FTCDNL1: variants seen among roughly 807,000 people sequenced by gnomAD.
The protein encoded by FTCDNL1 is formiminotransferase N-terminal subdomain-containing protein.
In FTCDNL1, 11 loss-of-function variants were observed where a neutral mutation model predicts 5.9. That is an observed-to-expected ratio of 1.87 (90% confidence interval 1.18 to 3.10). The LOEUF is 3.10. FTCDNL1 is among the 30% of genes most tolerant of loss of function. FTCDNL1 has a pLI of 0.00. For missense variants in FTCDNL1, 115 were observed against 65.5 expected (o/e 1.76, Z -2.61); for synonymous variants, 58 against 24.8 (o/e 2.34, Z -3.99).
intron 1 of FTCDNL1, among the ~76,000 whole-genome samples, chr2:199,849,983 G>A (rs978866578): frequency 2.6e-5 from 4 of 152,190 alleles, no homozygotes; most frequent in Non-Finnish European, 4.4e-5. Flanking sequence ...CTAACTCTGA[G>A]ACACGCGTTA....
chr2:199,789,289 G>A (rs116033901), intron 3 of FTCDNL1, among the ~76,000 whole-genome samples: 84 of 152,258 alleles, frequency 5.5e-4, no homozygotes, highest in African/African-American at 2.0e-3. Context: ...ATAACGAAGA[G>A]TAGTTTATTT....
chr2:199,845,035 G>A (rs1396807698), intron 3 of FTCDNL1, among the ~76,000 whole-genome samples: 3 of 151,952 alleles, frequency 2.0e-5, no homozygotes, highest in Non-Finnish European at 4.4e-5. Flanking sequence ...ATAGGCATGA[G>A]CCACTGTGCC....
At chr2:199,689,614 T>C in the FTCDNL1 span, among the ~76,000 whole-genome samples, 3 of 151,832 alleles carry the variant, frequency 2.0e-5, no homozygotes, top group African/African-American at 4.8e-5. Context: ...TTTTGGGGGG[T>C]AATTTGGCAA....
chr2:199,702,633 T>C, the FTCDNL1 span, among the ~76,000 whole-genome samples: 1 of 152,222 alleles, frequency 6.6e-6, no homozygotes, highest in African/African-American at 2.4e-5. Flanking sequence ...GCATCAGTTG[T>C]TATTCTAGGT....
chr2:199,769,742 G>C (rs757249494), intron 3 of FTCDNL1, among the ~76,000 whole-genome samples: 1 of 152,070 alleles, frequency 6.6e-6, no homozygotes, highest in Non-Finnish European at 1.5e-5. Flanking sequence ...GCTATTTCAG[G>C]GTGGTCATGG....
chr2:199,770,737 T>C (rs1031100704), intron 3 of FTCDNL1, among the ~76,000 whole-genome samples: 1 of 152,226 alleles, frequency 6.6e-6, no homozygotes, highest in Non-Finnish European at 1.5e-5. Context: ...TTCAGTATTC[T>C]CAGATAAATT....
At chr2:199,713,912 G>A in the FTCDNL1 span, among the ~76,000 whole-genome samples, 1 of 152,096 alleles carries the variant, frequency 6.6e-6, no homozygotes. Flanking sequence ...CACTTATTTT[G>A]ACTTACAGTG....
intron 3 of FTCDNL1, among the ~76,000 whole-genome samples, chr2:199,823,130 A>C (rs1007852043): frequency 6.6e-6 from 1 of 152,172 alleles, no homozygotes; most frequent in Non-Finnish European, 1.5e-5. Flanking sequence ...GATTACAGGC[A>C]TGAACCACCT....
intron 3 of FTCDNL1, among the ~76,000 whole-genome samples, chr2:199,776,418 A>G (rs13401414): frequency 6.6e-6 from 1 of 152,238 alleles, no homozygotes; most frequent in Admixed American, 6.5e-5. Flanking sequence ...TCGTGTTGCC[A>G]ATTAATCATT....
the FTCDNL1 span, among the ~76,000 whole-genome samples, chr2:199,732,952 T>C: frequency 6.6e-6 from 1 of 152,222 alleles, no homozygotes; most frequent in South Asian, 2.1e-4. Flanking sequence ...CTTCAATTTG[T>C]TCACAATTGA....
At chr2:199,789,025 A>G (rs1347081385) in intron 3 of FTCDNL1, among the ~76,000 whole-genome samples, 1 of 149,918 alleles carries the variant, frequency 6.7e-6, no homozygotes, top group Non-Finnish European at 1.5e-5. Flanking sequence ...ATCATTACGA[A>G]AAAAAAAAAA....
intron 3 of FTCDNL1, among the ~76,000 whole-genome samples, chr2:199,834,861 C>A (rs1318430093): frequency 6.6e-6 from 1 of 152,100 alleles, no homozygotes; most frequent in East Asian, 1.9e-4. Context: ...CAATGCTTTC[C>A]CAAAGCCTCT....
At chr2:199,786,243 C>T (rs1033346041) in intron 3 of FTCDNL1, among the ~76,000 whole-genome samples, 1 of 150,558 alleles carries the variant, frequency 6.6e-6, no homozygotes, top group Non-Finnish European at 1.5e-5. Flanking sequence ...TGGGCTACCT[C>T]CAGCCCTGTA....
rs2076859571 is a variant in FTCDNL1 at position 199,850,861 on chromosome 2, T to G, written c.-129A>C. ...GATTCCCTGCGCGGTGCCGACTAGGTTCCTGGGTGGAGTGTCCCAGGACCA... is the reference window on the plus strand; with the variant it reads ...GATTCCCTGCGCGGTGCCGACTAGGGTCCTGGGTGGAGTGTCCCAGGACCA... On this transcript the variant is annotated 5_prime_UTR_variant, in exon 1 of 5. Transcript: ENST00000420128. The G allele has an allele frequency of 6.6e-6, 1 of 152,188 alleles. No individual in the cohort carries two copies. The highest frequency in any genetic ancestry group is 2.4e-5 in the African/African-American group (1 of 41,434). The allele number at this position is 152,188 out of a possible 1,614,324, so 9.4% of individuals were successfully genotyped here. A position where few individuals can be genotyped will look rare whatever the true frequency, so the allele number is the denominator to read the frequency against.
the FTCDNL1 span, among the ~76,000 whole-genome samples, chr2:199,693,241 GATT>G: frequency 6.6e-6 from 1 of 152,196 alleles, no homozygotes; most frequent in African/African-American, 2.4e-5. Flanking sequence ...ATCTGCCAAT[GATT>G]ATGACGTATA....
At chr2:199,681,010 G>C in the FTCDNL1 span, among the ~76,000 whole-genome samples, 50 of 152,328 alleles carry the variant, frequency 3.3e-4, no homozygotes, top group African/African-American at 1.2e-3. Context: ...TGGAAGAAAA[G>C]TGGGAAATGC....
chr2:199,780,889 G>T (rs1005785745), intron 3 of FTCDNL1, among the ~76,000 whole-genome samples: 1 of 152,178 alleles, frequency 6.6e-6, no homozygotes, highest in Non-Finnish European at 1.5e-5. Context: ...TTCTGTGCCT[G>T]CTGTTCTCTT....
the FTCDNL1 span, among the ~76,000 whole-genome samples, chr2:199,688,754 G>C: frequency 2.0e-5 from 3 of 152,200 alleles, no homozygotes; most frequent in African/African-American, 7.2e-5. Flanking sequence ...CTAAAATTCT[G>C]TGGACTATCA....
At chr2:199,749,932 C>T in the FTCDNL1 span, among the ~76,000 whole-genome samples, 2 of 151,568 alleles carry the variant, frequency 1.3e-5, no homozygotes, top group Admixed American at 6.6e-5. Flanking sequence ...GACATCACAG[C>T]GATGGACACC....
Sources: gnomAD v4.1 joint callset for allele counts (sites outside exome capture counted in the v4.1 genomes callset) on GRCh38, gnomAD v4.1.1 for gene constraint, MANE v1.5 for transcripts, NCBI Gene and HGNC (gene_info 2026-07-23, HGNC 2026-07-21) for gene names.